BLTP3B: variants seen among roughly 807,000 people sequenced by gnomAD.
BLTP3B encodes bridge-like lipid transfer protein family member 3B.
At chr12:100,052,143 C>T in the BLTP3B span, among the ~76,000 whole-genome samples, 118 of 151,624 alleles carry the variant, frequency 7.8e-4, 1 homozygote, top group Middle Eastern at 3.4e-3. Flanking sequence ...TAGCTCACTG[C>T]ACCCTCCACC....
the BLTP3B span, among the ~76,000 whole-genome samples, chr12:100,108,833 G>A: frequency 2.8e-3 from 422 of 152,220 alleles, 1 homozygote; most frequent in African/African-American, 9.5e-3. Context: ...ACACACTCTC[G>A]TTCATTTGTG....
chr12:100,083,638 T>C, the BLTP3B span, among the ~76,000 whole-genome samples: 1 of 151,782 alleles, frequency 6.6e-6, no homozygotes, highest in African/African-American at 2.4e-5. Flanking sequence ...TTTAGTGTTA[T>C]ACGTTTGTAT....
At chr12:100,045,786 C>G in the BLTP3B span, among the ~76,000 whole-genome samples, 1 of 152,104 alleles carries the variant, frequency 6.6e-6, no homozygotes, top group African/African-American at 2.4e-5. Context: ...TCAGAGTGAA[C>G]AGGCAACCTA....
At chr12:100,100,917 CAT>C in the BLTP3B span, among the ~76,000 whole-genome samples, 2 of 151,932 alleles carry the variant, frequency 1.3e-5, no homozygotes, top group Non-Finnish European at 2.9e-5. Context: ...ACCATACTGC[CAT>C]ATGTCAAAAT....
At chr12:100,140,634 G>A in the BLTP3B span, among the ~76,000 whole-genome samples, 1 of 142,832 alleles carries the variant, frequency 7.0e-6, no homozygotes, top group East Asian at 2.1e-4. Context: ...GAAGCCAGGA[G>A]GCAGAGGCTG....
the BLTP3B span, chr12:100,095,697 T>C: frequency 1.2e-6 from 2 of 1,613,316 alleles, no homozygotes; most frequent in Non-Finnish European, 1.7e-6. Flanking sequence ...TACTCTTCCT[T>C]TGTTCTGTTG....
At chr12:100,061,460 A>G in the BLTP3B span, among the ~76,000 whole-genome samples, 1 of 152,092 alleles carries the variant, frequency 6.6e-6, no homozygotes, top group South Asian at 2.1e-4. Flanking sequence ...GATCGAGACC[A>G]TCCTGGCTAA....
At chr12:100,066,720 C>T in the BLTP3B span, among the ~76,000 whole-genome samples, 1,463 of 151,590 alleles carry the variant, frequency 9.7e-3, 8 homozygotes, top group Non-Finnish European at 0.015. Flanking sequence ...AGGAGAATGG[C>T]GTGAACCCAG....
At chr12:100,132,263 CATT>C in the BLTP3B span, among the ~76,000 whole-genome samples, 6 of 152,088 alleles carry the variant, frequency 3.9e-5, no homozygotes, top group African/African-American at 1.4e-4. Context: ...GAAAAAAAGA[CATT>C]ATGTTTTCCC....
At chr12:100,108,255 G>A in the BLTP3B span, 1 of 999,060 alleles carries the variant, frequency 1.0e-6, no homozygotes, top group Non-Finnish European at 1.4e-6. Flanking sequence ...TCTTTCTTTT[G>A]AAATTATATT....
the BLTP3B span, chr12:100,103,870 T>C: frequency 9.5e-6 from 14 of 1,477,722 alleles, no homozygotes; most frequent in Middle Eastern, 3.6e-4. Flanking sequence ...CTAGATAATG[T>C]ATATATATAA....
At chr12:100,061,027 A>G in the BLTP3B span, among the ~76,000 whole-genome samples, 3 of 151,990 alleles carry the variant, frequency 2.0e-5, no homozygotes, top group African/African-American at 7.3e-5. Context: ...AAAGAAAACA[A>G]AAAAATAGGG....
the BLTP3B span, among the ~76,000 whole-genome samples, chr12:100,083,578 C>G: frequency 1.3e-5 from 2 of 151,548 alleles, no homozygotes; most frequent in East Asian, 3.9e-4. Flanking sequence ...TGAATGCTCC[C>G]AACTTAACTA....
chr12:100,047,443 A>T, the BLTP3B span: 1 of 949,712 alleles, frequency 1.1e-6, no homozygotes. Context: ...GGTTTGCAGT[A>T]GGCTGAGATC....
chr12:100,078,681 C>T, the BLTP3B span, among the ~76,000 whole-genome samples: 3 of 152,166 alleles, frequency 2.0e-5, no homozygotes, highest in Non-Finnish European at 4.4e-5. Flanking sequence ...TAGGGTTCCA[C>T]ATCCTTAGAA....
At chr12:100,135,652 C>T in the BLTP3B span, among the ~76,000 whole-genome samples, 1 of 152,274 alleles carries the variant, frequency 6.6e-6, no homozygotes, top group Non-Finnish European at 1.5e-5. Context: ...ACTTCTCATC[C>T]CCTTTCCCTA....
At chr12:100,104,392 C>G in the BLTP3B span, among the ~76,000 whole-genome samples, 1 of 151,634 alleles carries the variant, frequency 6.6e-6, no homozygotes, top group Non-Finnish European at 1.5e-5. Flanking sequence ...TTAGTAGAGA[C>G]AGTGTTTTGA....
At chr12:100,127,116 G>A in the BLTP3B span, among the ~76,000 whole-genome samples, 2 of 151,846 alleles carry the variant, frequency 1.3e-5, no homozygotes, top group Non-Finnish European at 2.9e-5. Flanking sequence ...AAAAACAAAG[G>A]GCTACACTTG....
chr12:100,055,934 A>C, the BLTP3B span, among the ~76,000 whole-genome samples: 294 of 152,362 alleles, frequency 1.9e-3, 2 homozygotes, highest in African/African-American at 6.7e-3. Flanking sequence ...TGAAGATAAC[A>C]GTATACTATT....
Sources: gnomAD v4.1 joint callset for allele counts (sites outside exome capture counted in the v4.1 genomes callset) on GRCh38, gnomAD v4.1.1 for gene constraint, MANE v1.5 for transcripts, NCBI Gene and HGNC (gene_info 2026-07-23, HGNC 2026-07-21) for gene names.